Variants in SLC71A2 observed in about 807,000 individuals in gnomAD.
SLC71A2 encodes the protein hippocampus abundant transcript-like 1.
chr9:94,436,667 C>G, the SLC71A2 span, among the ~76,000 whole-genome samples: 1 of 152,072 alleles, frequency 6.6e-6, no homozygotes, highest in African/African-American at 2.4e-5. Context: ...TTTCCCCAGA[C>G]AATGAAGCTG....
the SLC71A2 span, among the ~76,000 whole-genome samples, chr9:94,414,097 G>A: frequency 6.6e-6 from 1 of 152,300 alleles, no homozygotes; most frequent in East Asian, 1.9e-4. Flanking sequence ...TGAACCTTTT[G>A]ATGGAATTGG....
the SLC71A2 span, among the ~76,000 whole-genome samples, chr9:94,455,039 A>G: frequency 0.015 from 2,245 of 152,214 alleles, 59 homozygotes; most frequent in African/African-American, 0.05. Context: ...TTTGGACACA[A>G]ACAGACAACA....
At chr9:94,447,481 GTTTT>G in the SLC71A2 span, among the ~76,000 whole-genome samples, 10 of 98,370 alleles carry the variant, frequency 1.0e-4, no homozygotes, top group African/African-American at 1.6e-4. Flanking sequence ...TGCCCAGCCT[GTTTT>G]TTTTTTTTTT....
At chr9:94,429,867 A>G in the SLC71A2 span, among the ~76,000 whole-genome samples, 1 of 151,762 alleles carries the variant, frequency 6.6e-6, no homozygotes, top group Non-Finnish European at 1.5e-5. Flanking sequence ...AACAAAAGAC[A>G]TCATTCTATT....
At chr9:94,409,490 C>T in the SLC71A2 span, among the ~76,000 whole-genome samples, 1 of 152,026 alleles carries the variant, frequency 6.6e-6, no homozygotes, top group South Asian at 2.1e-4. Flanking sequence ...TTCTGTATCA[C>T]GTTTGTATCT....
the SLC71A2 span, among the ~76,000 whole-genome samples, chr9:94,405,523 G>A: frequency 6.7e-6 from 1 of 149,496 alleles, no homozygotes; most frequent in South Asian, 2.1e-4. Flanking sequence ...AAAAAAGACT[G>A]GGCTTTGCCA....
At chr9:94,434,676 G>T in the SLC71A2 span, among the ~76,000 whole-genome samples, 2 of 152,118 alleles carry the variant, frequency 1.3e-5, no homozygotes, top group East Asian at 1.9e-4. Context: ...CAATAATAGT[G>T]GTCTTTCATT....
the SLC71A2 span, among the ~76,000 whole-genome samples, chr9:94,411,952 G>C: frequency 2.6e-5 from 4 of 152,060 alleles, no homozygotes; most frequent in Non-Finnish European, 5.9e-5. Context: ...CATAGTTTAG[G>C]GATAAAGTAG....
the SLC71A2 span, chr9:94,415,397 T>C: frequency 1.5e-6 from 1 of 658,238 alleles, no homozygotes; most frequent in Non-Finnish European, 2.7e-6. Flanking sequence ...TTTTTTTTTT[T>C]CCATTGTGGT....
chr9:94,446,770 G>A, the SLC71A2 span: 1 of 896,870 alleles, frequency 1.1e-6, no homozygotes, highest in Non-Finnish European at 1.8e-6. Flanking sequence ...CAGAACATTG[G>A]CAACATTAAT....
the SLC71A2 span, among the ~76,000 whole-genome samples, chr9:94,383,034 A>G: frequency 6.6e-6 from 1 of 151,870 alleles, no homozygotes; most frequent in African/African-American, 2.4e-5. Flanking sequence ...TAGATTTTAC[A>G]ATTGGGTTTG....
chr9:94,456,399 G>A, the SLC71A2 span: 2 of 1,361,064 alleles, frequency 1.5e-6, no homozygotes, highest in Non-Finnish European at 2.1e-6. Context: ...GCTAGAAGCA[G>A]GAGCAGCTCT....
the SLC71A2 span, among the ~76,000 whole-genome samples, chr9:94,387,343 A>C: frequency 6.6e-5 from 10 of 152,228 alleles, no homozygotes; most frequent in Non-Finnish European, 1.2e-4. Flanking sequence ...AATGAGGCAG[A>C]ATAACTAAGC....
At chr9:94,397,529 A>T in the SLC71A2 span, among the ~76,000 whole-genome samples, 1 of 151,400 alleles carries the variant, frequency 6.6e-6, no homozygotes, top group Non-Finnish European at 1.5e-5. Context: ...CAAAGAAAAA[A>T]CCCCTAAAGT....
the SLC71A2 span, chr9:94,451,632 G>A: frequency 2.2e-5 from 12 of 557,014 alleles, no homozygotes; most frequent in Non-Finnish European, 6.2e-6. Context: ...TCCCTGAGCT[G>A]CTACCTCAGT....
At chr9:94,401,773 C>T in the SLC71A2 span, among the ~76,000 whole-genome samples, 3 of 150,818 alleles carry the variant, frequency 2.0e-5, no homozygotes, top group Non-Finnish European at 3.0e-5. Context: ...GGATAGACCT[C>T]GAACAAGAAA....
chr9:94,426,998 G>A, the SLC71A2 span, among the ~76,000 whole-genome samples: 1 of 152,092 alleles, frequency 6.6e-6, no homozygotes, highest in East Asian at 1.9e-4. Context: ...ACTGTGCCTG[G>A]CTAAGCTTGA....
chr9:94,448,977 TA>T, the SLC71A2 span, among the ~76,000 whole-genome samples: 1 of 152,216 alleles, frequency 6.6e-6, no homozygotes. Flanking sequence ...GGTTGTATGC[TA>T]GAGATTTAGA....
chr9:94,433,774 T>C, the SLC71A2 span, among the ~76,000 whole-genome samples: 2 of 152,134 alleles, frequency 1.3e-5, no homozygotes, highest in South Asian at 4.1e-4. Context: ...AATCCTAAAG[T>C]AAAAATACAT....
Sources: allele counts gnomAD v4.1 joint callset (sites outside exome capture counted in the v4.1 genomes callset), GRCh38; gene constraint gnomAD v4.1.1; transcripts MANE v1.5; gene names NCBI Gene and HGNC (gene_info 2026-07-23, HGNC 2026-07-21).